The following NOS1 variants were observed in gnomAD, a reference collection of about 807,000 sequenced individuals.
The protein encoded by NOS1 is NOS type I.
NOS1 carries 51 observed loss-of-function variants against 164.5 expected under a neutral mutation model. That is an observed-to-expected ratio of 0.31 (90% CI 0.25 to 0.39). The LOEUF is 0.39. NOS1 is among the 10% of genes least tolerant of loss of function. NOS1 has a pLI of 1.00. For synonymous variants in NOS1, 719 were observed against 745.8 expected, an observed-to-expected ratio of 0.96 and a Z score of 0.59; for missense variants, 1,362 against 1,885.6, an observed-to-expected ratio of 0.72 and a Z score of 5.14.
chr12:117,250,350 CAG>C (rs1460479775), intron 17 of NOS1, among the ~76,000 whole-genome samples: 2 of 124,532 alleles, frequency 1.6e-5, no homozygotes, highest in African/African-American at 6.5e-5. Context: ...TTTTTTTAGA[CAG>C]AGTTTTGCTC....
Position 117,361,530 on chromosome 12 carries a change from G to GCTCGCTGCCCGGCCGCCC in NOS1, c.-457_-440dup, listed in dbSNP as rs1877158813. On this transcript the variant is annotated 5_prime_UTR_variant, in exon 1 of 29. Transcript: ENST00000317775. ...GGCTCACCCCGTCCGCTCGGCCGCT[G>GCTCGCTGCCCGGCCGCCC]CTCGCTGCCCGGCCGCCCCTCGGAG... 6.6e-6 allele frequency: 1 copy of GCTCGCTGCCCGGCCGCCC among 152,070 alleles called. No homozygotes were observed. The highest frequency in any genetic ancestry group is 6.6e-5 in the Admixed American group (1 of 15,266). 9.4% of individuals were successfully genotyped at this position (152,070 alleles called of 1,614,324 possible).
intron 17 of NOS1, 135 bp downstream of exon 17, chr12:117,253,499 ACAGC>A (rs1302841662): frequency 1.5e-6 from 1 of 665,468 alleles, no homozygotes; most frequent in Admixed American, 2.3e-5. Flanking sequence ...GGGGTCCCAG[ACAGC>A]CAGGATGCAG....
Position 117,286,033 on chromosome 12 carries a change from A to C in NOS1, c.1290+71T>G, listed in dbSNP as rs556905074. On this transcript the variant is annotated intron_variant, in intron 6 of 28. Transcript: ENST00000317775. ...CTTGGTAGAAGCTTATCCTTTTTAAAGCTCCATCCACTCCCCTTCCCCTCT... is the reference window on the plus strand; with the variant it reads ...CTTGGTAGAAGCTTATCCTTTTTAACGCTCCATCCACTCCCCTTCCCCTCT... 1.4e-5 allele frequency: 22 copies of C among 1,547,932 alleles called. No homozygotes were observed. In the South Asian group the frequency reaches 2.6e-4, roughly 18 times the overall value.
intron 8 of NOS1, among the ~76,000 whole-genome samples, chr12:117,279,379 A>C (rs1198429237): frequency 8.6e-5 from 13 of 152,016 alleles, no homozygotes; most frequent in African/African-American, 3.1e-4. Context: ...AAAAACAAAA[A>C]AAAAACCAAA....
intron 13 of NOS1, among the ~76,000 whole-genome samples, chr12:117,262,766 C>CT (rs9658408): frequency 6.2e-5 from 9 of 144,804 alleles, no homozygotes; most frequent in African/African-American, 2.4e-4. Context: ...GTGGGGTTCT[C>CT]TTTTTTTTGG....
At chr12:117,261,588 T>G (rs889285951) in intron 13 of NOS1, among the ~76,000 whole-genome samples, 1 of 152,186 alleles carries the variant, frequency 6.6e-6, no homozygotes, top group Non-Finnish European at 1.5e-5. Flanking sequence ...AGGTCTGATT[T>G]ATTCAGCAAT....
chr12:117,260,903 C>T (rs1007167620), intron 13 of NOS1, among the ~76,000 whole-genome samples: 2 of 150,870 alleles, frequency 1.3e-5, no homozygotes, highest in Admixed American at 6.6e-5. Context: ...TGTGGTAGCT[C>T]ATGCTTATAA....
chr12:117,316,701 A>G (rs547954), intron 2 of NOS1, among the ~76,000 whole-genome samples: 124,265 of 152,078 alleles, frequency 0.82, 50,947 homozygotes, highest in South Asian at 0.86. Flanking sequence ...CTTCACTGTT[A>G]TCCCAGCTGA....
At chr12:117,336,696 T>C (rs1367019582) in intron 1 of NOS1, among the ~76,000 whole-genome samples, 1 of 152,180 alleles carries the variant, frequency 6.6e-6, no homozygotes, top group Non-Finnish European at 1.5e-5. Context: ...AACATAAACA[T>C]CTCCACGATG....
chr12:117,342,446 G>A (rs370902778), intron 1 of NOS1, among the ~76,000 whole-genome samples: 1 of 152,178 alleles, frequency 6.6e-6, no homozygotes, highest in Admixed American at 6.6e-5. Flanking sequence ...CCTGGAGGAA[G>A]AGTCAGGATC....
At chr12:117,226,538 C>G (rs1318372640) in intron 24 of NOS1, 145 bp downstream of exon 24, 1 of 677,242 alleles carries the variant, frequency 1.5e-6, no homozygotes, top group Non-Finnish European at 2.6e-6. Context: ...TCCTTAACAA[C>G]TAAGAGAGAC....
intron 20 of NOS1, among the ~76,000 whole-genome samples, chr12:117,236,527 G>A (rs1287575967): frequency 6.6e-6 from 1 of 152,156 alleles, no homozygotes; most frequent in Non-Finnish European, 1.5e-5. Flanking sequence ...GGCCCTCCAT[G>A]GGCAGACCTT....
At chr12:117,268,616 G>A (rs902733809) in intron 10 of NOS1, among the ~76,000 whole-genome samples, 4 of 126,286 alleles carry the variant, frequency 3.2e-5, no homozygotes, top group African/African-American at 1.2e-4. Flanking sequence ...TTGAGACGGA[G>A]TCTTGCTCTG....
chr12:117,224,975 T>A, intron 25 of NOS1, 41 bp downstream of exon 25: 1 of 1,613,382 alleles, frequency 6.2e-7, no homozygotes, highest in Non-Finnish European at 8.5e-7. Context: ...CCTCCCCAGG[T>A]CCGGGGGTGG....
At chr12:117,256,303 G>C (rs1443236582) in intron 16 of NOS1, among the ~76,000 whole-genome samples, 1 of 44,486 alleles carries the variant, frequency 2.2e-5, no homozygotes. Flanking sequence ...TTTTGAGACG[G>C]AGTCTCACTC....
At chr12:117,288,353 C>T (rs1872843606) in intron 4 of NOS1, 134 bp from the exon 5 acceptor site, 2 of 746,432 alleles carry the variant, frequency 2.7e-6, no homozygotes, top group Non-Finnish European at 4.3e-6. Context: ...TCTCAAGTAC[C>T]AGCTTCAAAT....
At chr12:117,351,411 G>C (rs1414632995) in intron 1 of NOS1, among the ~76,000 whole-genome samples, 1 of 152,158 alleles carries the variant, frequency 6.6e-6, no homozygotes, top group Non-Finnish European at 1.5e-5. Flanking sequence ...TGCTGCCCTG[G>C]TTGCTAGTCC....
chr12:117,218,508 C>T (rs1009781602), intron 27 of NOS1, among the ~76,000 whole-genome samples: 5 of 152,028 alleles, frequency 3.3e-5, no homozygotes, highest in East Asian at 1.9e-4. Context: ...CTCCCTCCAA[C>T]GTGCTCTTGC....
At chr12:117,304,191 CACA>C (rs1874011503) in intron 3 of NOS1, among the ~76,000 whole-genome samples, 1 of 151,880 alleles carries the variant, frequency 6.6e-6, no homozygotes, top group Non-Finnish European at 1.5e-5. Context: ...ACCACAAAAA[CACA>C]ACATGTGTCT....
Sources: allele counts gnomAD v4.1 joint callset (sites outside exome capture counted in the v4.1 genomes callset), GRCh38; gene constraint gnomAD v4.1.1; transcripts MANE v1.5; gene names NCBI Gene and HGNC (gene_info 2026-07-23, HGNC 2026-07-21).